PRKG1: variants seen among roughly 807,000 people sequenced by gnomAD.
The protein encoded by PRKG1 is protein kinase cGMP-dependent 1, also known as cGMP-dependent protein kinase 1.
Under a neutral mutation model 88.1 loss-of-function variants are expected in PRKG1, and 35 were observed. The ratio of observed to expected loss-of-function variants is 0.40; its 90% CI spans 0.30 to 0.53. The LOEUF (loss-of-function observed/expected upper bound fraction) is 0.53. Ranked by LOEUF, PRKG1 falls within the 20% of genes least tolerant of loss-of-function variation. The pLI is 0.59. For synonymous variants in PRKG1, 303 were observed against 292.5 expected (o/e 1.04, Z -0.37); for missense variants, 540 against 839.8 (o/e 0.64, Z 4.41).
intron 5 of PRKG1, among the ~76,000 whole-genome samples, chr10:52,032,413 T>A (rs886335406): frequency 5.3e-5 from 8 of 152,178 alleles, no homozygotes; most frequent in Admixed American, 1.3e-4. Flanking sequence ...AAAATAGAGA[T>A]CATAATAAAT....
chr10:50,991,624 G>A lies in PRKG1; in HGVS notation c.246G>A (p.Arg82=), dbSNP rs1554828392. Residue 82 remains arginine, a synonymous_variant, in exon 1 of 18, where the codon CGG becomes CGA. Transcript: ENST00000401604. This position sits in a 1 kb window ranked among gnomAD's most constrained non-coding sequence, Gnocchi z 4.5. ...TCCACGACCTCCGACAGGCATTCCG[G>A]AAGTTCACCAAGTCCGAAAGGTAGG... 1 of 1,544,482 alleles carries A rather than the reference G, an allele frequency of 6.5e-7. No individual in the cohort carries two copies. Among genetic ancestry groups the A allele is most frequent in the Non-Finnish European group, 8.7e-7 (1 of 1,146,280 alleles).
In PRKG1 at chr10:51,827,217, T is replaced by C. The variant is rs529443498; in HGVS notation, c.698+22527T>C. Among the ~76,000 whole-genome samples the C allele has an allele frequency of 1.5e-3, 231 of 152,268 alleles. 1 individual carries two copies. The highest frequency in any genetic ancestry group is 5.3e-3 in the African/African-American group (222 of 41,566). Reference sequence around the variant, plus strand: ...TTGATTGCATACAGCCATTTTCGTATATACCCACCAACTGACAAGATTATC... The same window carrying C: ...TTGATTGCATACAGCCATTTTCGTACATACCCACCAACTGACAAGATTATC... On this transcript the variant is annotated intron_variant, in intron 4 of 17. Coordinates refer to ENST00000373980, the MANE Select transcript of PRKG1 (RefSeq NM_006258.4).
intron 1 of PRKG1, among the ~76,000 whole-genome samples, chr10:51,089,326 T>C (rs1844341340): frequency 6.6e-6 from 1 of 152,210 alleles, no homozygotes; most frequent in Non-Finnish European, 1.5e-5. Context: ...TTTCAAATTC[T>C]TACTAATTTT....
chr10:51,514,450 A>G lies in PRKG1; in HGVS notation c.592+46614A>G, dbSNP rs566146220. 3.9e-5 allele frequency among the ~76,000 whole-genome samples: 6 copies of G among 152,236 alleles called. No homozygotes were observed. The East Asian group carries it at 1.2e-3, about 29-fold the overall frequency. On this transcript the variant is annotated intron_variant, in intron 3 of 17. Transcript: ENST00000373980. ...CAAAAAGAATAAAAGTAAGGATGTG[A>G]CTCCAGGGTCACCACCTAAGTAAGA...
At chr10:51,845,008 C>A (rs944409217) in intron 4 of PRKG1, among the ~76,000 whole-genome samples, 32 of 152,084 alleles carry the variant, frequency 2.1e-4, no homozygotes, top group Admixed American at 4.6e-4. Flanking sequence ...TTATCTGATT[C>A]TTCTGTGTTA....
intron 3 of PRKG1, among the ~76,000 whole-genome samples, chr10:51,544,650 G>T (rs1842401738): frequency 6.6e-6 from 1 of 152,042 alleles, no homozygotes; most frequent in Non-Finnish European, 1.5e-5. Context: ...CACAATTGTT[G>T]AACTAGTTTA....
chr10:52,216,447 G>A lies in PRKG1; in HGVS notation c.1077-35123G>A, dbSNP rs563044293. Among the ~76,000 whole-genome samples the A allele has an allele frequency of 3.9e-5, 6 of 152,288 alleles. No individual in the cohort carries two copies. In the South Asian group the frequency reaches 1.2e-3, roughly 32 times the overall value. On this transcript the variant is annotated intron_variant, in intron 9 of 17. Transcript: ENST00000373980. ...AATCAAATCACACTGGCAGAGCAAAGAGTTTTGACAATAAGACTTTAATTG... is the reference window on the plus strand; with the variant it reads ...AATCAAATCACACTGGCAGAGCAAAAAGTTTTGACAATAAGACTTTAATTG...
chr10:52,105,927 GTGTACACTGTACCAAATGTGTAGTCTT>G (rs1358883644), intron 7 of PRKG1, among the ~76,000 whole-genome samples: 1 of 151,832 alleles, frequency 6.6e-6, no homozygotes, highest in Non-Finnish European at 1.5e-5. Flanking sequence ...CACTCAAGCA[GTGTACACTGTACCAAATGTGTAGTCTT>G]TTATCCCCCC....
At chr10:51,173,659 A>G (rs919016112) in intron 2 of PRKG1, among the ~76,000 whole-genome samples, 106 of 152,040 alleles carry the variant, frequency 7.0e-4, no homozygotes, top group African/African-American at 2.5e-3. Context: ...AACTAAAATG[A>G]AACTTAAACT....
intron 3 of PRKG1, among the ~76,000 whole-genome samples, chr10:51,770,713 G>A (rs1323816455): frequency 6.6e-6 from 1 of 152,148 alleles, no homozygotes; most frequent in Non-Finnish European, 1.5e-5. Context: ...TTTAATGCCT[G>A]ATGATCTGAG....
At chr10:51,407,860 A>T (rs1837964086) in intron 2 of PRKG1, among the ~76,000 whole-genome samples, 1 of 152,182 alleles carries the variant, frequency 6.6e-6, no homozygotes, top group South Asian at 2.1e-4. Flanking sequence ...TCATCTTGAT[A>T]GTCTGGGTCA....
At chr10:52,062,247 A>G (rs1846254504) in intron 6 of PRKG1, among the ~76,000 whole-genome samples, 1 of 152,172 alleles carries the variant, frequency 6.6e-6, no homozygotes, top group Admixed American at 6.5e-5. Flanking sequence ...TGGTTGCTTC[A>G]TAAAGGCAGG....
intron 12 of PRKG1, among the ~76,000 whole-genome samples, chr10:52,275,126 T>G (rs922939114): frequency 1.6e-4 from 24 of 152,214 alleles, no homozygotes; most frequent in African/African-American, 5.8e-4. Context: ...TCCCACTCTG[T>G]GGGTTGTCTG....
chr10:51,395,529 G>A (rs559502091), intron 2 of PRKG1, among the ~76,000 whole-genome samples: 40 of 152,138 alleles, frequency 2.6e-4, no homozygotes, highest in African/African-American at 9.4e-4. Flanking sequence ...TCTTTAGTAG[G>A]AACTCTGGAT....
chr10:52,224,594 CA>C (rs58774024), intron 9 of PRKG1, among the ~76,000 whole-genome samples: 43,897 of 89,010 alleles, frequency 0.49, 12,033 homozygotes, highest in East Asian at 0.64. Context: ...TCCTTCGCCC[CA>C]CCTCCGACTC....
chr10:51,715,259 C>G (rs968411657), intron 3 of PRKG1, among the ~76,000 whole-genome samples: 4 of 152,148 alleles, frequency 2.6e-5, no homozygotes, highest in Admixed American at 1.3e-4. Context: ...TTTCATTTTT[C>G]TACTGTTTTT....
At chr10:51,546,311 G>A (rs1223480091) in intron 3 of PRKG1, among the ~76,000 whole-genome samples, 10 of 152,008 alleles carry the variant, frequency 6.6e-5, no homozygotes, top group Admixed American at 1.3e-4. Context: ...CTAAGTAGTC[G>A]TCATAGAGGT....
At chr10:51,481,664 C>T (rs940216718) in intron 3 of PRKG1, among the ~76,000 whole-genome samples, 2 of 152,010 alleles carry the variant, frequency 1.3e-5, no homozygotes, top group Admixed American at 1.3e-4. Context: ...GCGTAATTCT[C>T]TCAGTTCTTG....
chr10:51,230,557 C>T (rs963552931), intron 2 of PRKG1, among the ~76,000 whole-genome samples: 1 of 152,110 alleles, frequency 6.6e-6, no homozygotes, highest in Non-Finnish European at 1.5e-5. Flanking sequence ...GAGTTAAATT[C>T]AGTTGTCCCT....
Sources: allele counts gnomAD v4.1 joint callset (sites outside exome capture counted in the v4.1 genomes callset), GRCh38; gene constraint gnomAD v4.1.1; non-coding constraint Gnocchi (gnomAD v3.1); transcripts MANE v1.5; gene names NCBI Gene and HGNC (gene_info 2026-07-23, HGNC 2026-07-21).